Variants in CHD7 observed in about 807,000 individuals in gnomAD.
CHD7 encodes the protein chromodomain helicase DNA binding protein 7.
A neutral mutation model predicts 307.3 loss-of-function variants in CHD7; 24 were observed. The observed-to-expected ratio is 0.08, with a 90% CI of 0.06 to 0.11. CHD7 has a LOEUF of 0.11. CHD7 is among the 10% of genes least tolerant of loss of function. The probability of loss-of-function intolerance (pLI) is 1.00; values close to 1 mark genes in which losing one functional copy is unlikely to be tolerated. For synonymous variants in CHD7, 1,363 were observed against 1,349.9 expected (o/e 1.01, Z -0.21); for missense variants, 3,106 against 3,727.1 (o/e 0.83, Z 4.34).
At chr8:60,814,147 G>T (rs541383048) in intron 7 of CHD7, among the ~76,000 whole-genome samples, 1 of 152,118 alleles carries the variant, frequency 6.6e-6, no homozygotes. Flanking sequence ...CAAAGCAGTC[G>T]TATTTTTGAC....
chr8:60,864,859 GT>G (rs1376726808), intron 37 of CHD7, 156 bp from the exon 38 acceptor site: 6 of 748,380 alleles, frequency 8.0e-6, no homozygotes, highest in Non-Finnish European at 1.1e-5. Flanking sequence ...ATAAAAACAA[GT>G]TTTGCTGTCA....
At chr8:60,828,583 G>T in intron 13 of CHD7, 80 bp from the exon 14 acceptor site, 1 of 1,314,970 alleles carries the variant, frequency 7.6e-7, no homozygotes, top group Non-Finnish European at 1.0e-6. Flanking sequence ...GTAGAACAAT[G>T]GGTGTCTAGT....
chr8:60,862,787 C>G, intron 37 of CHD7, 135 bp downstream of exon 37: 1 of 576,642 alleles, frequency 1.7e-6, no homozygotes, highest in Non-Finnish European at 2.9e-6. Context: ...ACATCATTTT[C>G]ATACATCATT....
At chr8:60,684,821 G>C (rs1041852330) in intron 1 of CHD7, among the ~76,000 whole-genome samples, 1 of 152,240 alleles carries the variant, frequency 6.6e-6, no homozygotes, top group Non-Finnish European at 1.5e-5. Flanking sequence ...GATTGAATTG[G>C]TGGGTGCAGA....
At chr8:60,722,123 T>C (rs1262885220) in intron 1 of CHD7, among the ~76,000 whole-genome samples, 1 of 152,220 alleles carries the variant, frequency 6.6e-6, no homozygotes, top group Non-Finnish European at 1.5e-5. Context: ...TGCTTGGACA[T>C]TGGTCTTTAC....
intron 1 of CHD7, among the ~76,000 whole-genome samples, chr8:60,714,547 C>T (rs976657741): frequency 6.6e-6 from 1 of 152,204 alleles, no homozygotes; most frequent in Non-Finnish European, 1.5e-5. Context: ...TGGCACCTGG[C>T]TCAGCCCTCA....
Position 60,841,774 on chromosome 8 carries a change from C to A in CHD7, c.4644+20C>A. On this transcript the variant is annotated intron_variant, in intron 20 of 37. Transcript: ENST00000423902. ...GGGAGGGTGAGTAAGAAGTCCCATTCGAACACCTATCTGATCTAAACCAAG... is the reference window on the plus strand; with the variant it reads ...GGGAGGGTGAGTAAGAAGTCCCATTAGAACACCTATCTGATCTAAACCAAG... The A allele has an allele frequency of 6.2e-7, 1 of 1,601,500 alleles. No homozygotes were observed. Among genetic ancestry groups the A allele is most frequent in the South Asian group, 1.1e-5 (1 of 90,878 alleles).
At chr8:60,711,377 T>C (rs1423622271) in intron 1 of CHD7, among the ~76,000 whole-genome samples, 1 of 152,200 alleles carries the variant, frequency 6.6e-6, no homozygotes, top group Admixed American at 6.5e-5. Flanking sequence ...AGCAGCCTCA[T>C]CAGATACAGC....
chr8:60,848,632 AC>A, intron 24 of CHD7, 28 bp downstream of exon 24: 1 of 1,546,424 alleles, frequency 6.5e-7, no homozygotes, highest in Non-Finnish European at 8.9e-7. Context: ...TTTGTTCTCA[AC>A]CTCAGTGAGA....
chr8:60,783,934 G>A (rs1811377022), intron 3 of CHD7, among the ~76,000 whole-genome samples: 1 of 152,184 alleles, frequency 6.6e-6, no homozygotes, highest in Non-Finnish European at 1.5e-5. Flanking sequence ...GCATACGGTA[G>A]TTGAATTGAG....
In CHD7 at chr8:60,744,628, A is replaced by G. The variant is rs557621000; in HGVS notation, c.1665+1531A>G. The stretch of plus-strand genomic sequence containing the variant: ...AGCACTCTGGGAGGCCGAGGCAGGC[A>G]GATCATCTGAGATCAGGAGTTCAAT... On this transcript the variant is annotated intron_variant, in intron 2 of 37. Coordinates refer to ENST00000423902, the MANE Select transcript of CHD7 (RefSeq NM_017780.4). Among the ~76,000 whole-genome samples the G allele has an allele frequency of 3.3e-5, 5 of 152,074 alleles. No homozygotes were observed. The South Asian group carries it at 1.0e-3, about 32-fold the overall frequency.
rs537840592 is a variant in CHD7, at chr8:60,760,984, A to G, written c.1665+17887A>G. 1.5e-4 allele frequency among the ~76,000 whole-genome samples: 23 copies of G among 152,298 alleles called. 1 individual carries two copies. Among genetic ancestry groups the G allele is most frequent in the African/African-American group, 5.5e-4 (23 of 41,560 alleles). On this transcript the variant is annotated intron_variant, in intron 2 of 37. Coordinates refer to ENST00000423902, the MANE Select transcript of CHD7 (RefSeq NM_017780.4). ...AAATACCATTTGACCCAGCCATCCCATTACTGGATATATACCCAAAGGACT... is the reference window on the plus strand; with the variant it reads ...AAATACCATTTGACCCAGCCATCCCGTTACTGGATATATACCCAAAGGACT...
chr8:60,814,695 C>T (rs539292852), intron 7 of CHD7, among the ~76,000 whole-genome samples: 79 of 152,244 alleles, frequency 5.2e-4, no homozygotes, highest in Admixed American at 1.2e-3. Context: ...GATCTGCCTG[C>T]CTCGTATAAT....
intron 6 of CHD7, among the ~76,000 whole-genome samples, chr8:60,804,940 A>G (rs755616800): frequency 3.3e-5 from 5 of 152,254 alleles, no homozygotes; most frequent in Non-Finnish European, 5.9e-5. Flanking sequence ...ATGAAAAGAT[A>G]TATACATTTC....
At chr8:60,777,622 G>T (rs1420363186) in intron 2 of CHD7, among the ~76,000 whole-genome samples, 1 of 152,112 alleles carries the variant, frequency 6.6e-6, no homozygotes, top group East Asian at 1.9e-4. Context: ...TTTGCATCTT[G>T]TCCATTCTGC....
chr8:60,707,889 A>G (rs1807094276), intron 1 of CHD7, among the ~76,000 whole-genome samples: 1 of 152,232 alleles, frequency 6.6e-6, no homozygotes, highest in South Asian at 2.1e-4. Flanking sequence ...ATGGCAAAGC[A>G]GGATGCCAGG....
In CHD7 at chr8:60,742,144, G is replaced by T; in HGVS notation, c.712G>T (p.Val238Leu). The part of the protein sequence containing the change: ...ATSGPGHLSH[V>L]PQQSPSMAPS... ...CTCAGGACCTGGCCACTTGTCCCAC[G>T]TGCCCCAGCAGAGTCCCAGCATGGC... The change falls in exon 2 of 38, where the codon GTG (valine) becomes TTG (leucine). Residue 238 changes from valine to leucine, a missense_variant. Transcript: ENST00000423902. The T allele has an allele frequency of 6.2e-7, 1 of 1,613,892 alleles. No individual in the cohort carries two copies. Among genetic ancestry groups the T allele is most frequent in the Non-Finnish European group, 8.5e-7 (1 of 1,179,878 alleles).
At chr8:60,817,546 G>A (rs771105521) in intron 8 of CHD7, among the ~76,000 whole-genome samples, 14 of 152,154 alleles carry the variant, frequency 9.2e-5, no homozygotes, top group Admixed American at 2.0e-4. Flanking sequence ...ACACATGTCT[G>A]CATCACTACC....
intron 13 of CHD7, among the ~76,000 whole-genome samples, chr8:60,825,611 C>T (rs768081486): frequency 2.0e-4 from 31 of 152,148 alleles, no homozygotes; most frequent in Non-Finnish European, 3.8e-4. Flanking sequence ...TGTGATATAA[C>T]CTAAATATAT....
Sources: allele counts gnomAD v4.1 joint callset (sites outside exome capture counted in the v4.1 genomes callset), GRCh38; gene constraint gnomAD v4.1.1; transcripts MANE v1.5; gene names NCBI Gene and HGNC (gene_info 2026-07-23, HGNC 2026-07-21).